The following BMP7 variants were observed in gnomAD, a reference collection of about 807,000 sequenced individuals.
BMP7 encodes the protein osteogenic protein 1.
BMP7 carries 12 observed loss-of-function variants against 41.2 expected under a neutral mutation model. The observed-to-expected ratio is 0.29, with a 90% CI of 0.19 to 0.47. The LOEUF (loss-of-function observed/expected upper bound fraction) is 0.47, where lower values mean the gene tolerates loss of function less well. Ranked by LOEUF, BMP7 falls within the 20% of genes least tolerant of loss-of-function variation. The pLI is 0.99. For missense variants in BMP7, 467 were observed against 606.0 expected (o/e 0.77, Z 2.41); for synonymous variants, 248 against 250.0 (o/e 0.99, Z 0.07).
Position 57,213,219 on chromosome 20 carries a change from A to T in BMP7, c.612-10596T>A, listed in dbSNP as rs1984935595. On this transcript the variant is annotated intron_variant, in intron 2 of 6. Transcript: ENST00000395863. The surrounding 1 kb of genome is among the most constrained non-coding windows in gnomAD (Gnocchi z 4.4). ...CCAGCCACTCATGGGAAAGTCAGGAAGATGCCCGTCCAGCACCCGGAGGCC... is the reference window on the plus strand; with the variant it reads ...CCAGCCACTCATGGGAAAGTCAGGATGATGCCCGTCCAGCACCCGGAGGCC... Among the ~76,000 whole-genome samples, 1 of 152,238 alleles carries T rather than the reference A, an allele frequency of 6.6e-6. No individual in the cohort carries two copies. The highest frequency in any genetic ancestry group is 6.5e-5 in the Admixed American group (1 of 15,286).
chr20:57,192,107 TA>T (rs1287526166), intron 3 of BMP7, among the ~76,000 whole-genome samples: 2 of 125,044 alleles, frequency 1.6e-5, no homozygotes, highest in Non-Finnish European at 3.1e-5. Flanking sequence ...TAAATTTATA[TA>T]ATATATACAT....
intron 1 of BMP7, among the ~76,000 whole-genome samples, chr20:57,242,836 C>G (rs996730870): frequency 6.6e-6 from 1 of 151,894 alleles, no homozygotes; most frequent in Non-Finnish European, 1.5e-5. Flanking sequence ...AACATCGTCT[C>G]TACTAAAAAT....
At position 57,202,590 on chromosome 20, in the gene BMP7, G is replaced by T; in HGVS notation, c.645C>A (p.Thr215=). ...GCCAGCCCTCCTCCGAGGCCCAGAG[G>T]GTACGGCTGTCGAGCAGGAAGAGAT... ...ESDLFLLDSR[T]LWASEEGWLV... Residue 215 remains threonine, a synonymous_variant, in exon 3 of 7, where the codon ACC becomes ACA. Coordinates refer to ENST00000395863, the MANE Select transcript of BMP7 (RefSeq NM_001719.3). The T allele has an allele frequency of 6.2e-7, 1 of 1,612,446 alleles. No individual in the cohort carries two copies. The highest frequency in any genetic ancestry group is 1.1e-5 in the South Asian group (1 of 91,076).
chr20:57,221,920 G>A (rs1369747698), intron 2 of BMP7, among the ~76,000 whole-genome samples: 3 of 151,834 alleles, frequency 2.0e-5, no homozygotes, highest in Non-Finnish European at 4.4e-5. Flanking sequence ...ATTAGCTTTT[G>A]TCATCATGAC....
At chr20:57,221,604 AG>A (rs1292296252) in intron 2 of BMP7, among the ~76,000 whole-genome samples, 2 of 152,204 alleles carry the variant, frequency 1.3e-5, no homozygotes, top group East Asian at 3.9e-4. Flanking sequence ...CTTGAGGCCA[AG>A]AGTTTGAGAT....
intron 1 of BMP7, among the ~76,000 whole-genome samples, chr20:57,229,958 C>A (rs751398735): frequency 6.6e-6 from 1 of 152,156 alleles, no homozygotes; most frequent in East Asian, 1.9e-4. Context: ...GGGAATTACC[C>A]GCTCAGGCTG....
In BMP7 at chr20:57,265,950, A is replaced by G; in HGVS notation, c.173T>C (p.Ile58Thr). 6.4e-7 allele frequency: 1 copy of G among 1,552,468 alleles called. No homozygotes were observed. Among genetic ancestry groups the G allele is most frequent in the Non-Finnish European group, 8.7e-7 (1 of 1,147,894 alleles). The change falls in exon 1 of 7, where the codon ATC becomes ACC. Residue 58 changes from isoleucine (I) to threonine (T), a missense_variant. By Grantham distance (89) the Ile-to-Thr change is moderately conservative. This residue lies in a region of BMP7 where 407 missense variants were observed against 485.9 expected (regional missense o/e 0.84). Transcript: ENST00000395863. ...SQERREMQRE[I>T]LSILGLPHRP... ...GTGGGGCAAGCCCAAAATGGAGAGGATCTCGCGCTGCATCTCCCGCCGCTC... is the reference window on the plus strand; with the variant it reads ...GTGGGGCAAGCCCAAAATGGAGAGGGTCTCGCGCTGCATCTCCCGCCGCTC...
chr20:57,249,033 T>A (rs1221580176), intron 1 of BMP7, among the ~76,000 whole-genome samples: 1 of 151,956 alleles, frequency 6.6e-6, no homozygotes, highest in East Asian at 2.0e-4. Flanking sequence ...GATCTCCTGA[T>A]GTCATGATCT....
rs1983810773 is a variant in BMP7 at position 57,171,255 on chromosome 20, C to A, written c.1147-147G>T. On this transcript the variant is annotated intron_variant, in intron 6 of 6. Coordinates refer to ENST00000395863, the MANE Select transcript of BMP7 (RefSeq NM_001719.3). The surrounding 1 kb of genome is among the most constrained non-coding windows in gnomAD (Gnocchi z 4.5). ...CAAGCCAAGCACTCCCTGTTCTAAG[C>A]ACTTTACATGGACAACTCAGTTCTG... 3 of 1,172,256 alleles carry A rather than the reference C, an allele frequency of 2.6e-6. No individual in the cohort carries two copies. The highest frequency in any genetic ancestry group is 3.7e-6 in the Non-Finnish European group (3 of 806,574). The allele number at this position is 1,172,256 out of a possible 1,614,324, so 72.6% of individuals were successfully genotyped here.
intron 1 of BMP7, among the ~76,000 whole-genome samples, chr20:57,254,243 G>A (rs1255679858): frequency 6.6e-6 from 1 of 151,758 alleles, no homozygotes; most frequent in Non-Finnish European, 1.5e-5. Context: ...GGCTGGTCTC[G>A]AACTCCTGAC....
In BMP7 at chr20:57,170,540, G is replaced by A. The variant is rs561270132; in HGVS notation, c.*419C>T. The A allele has an allele frequency of 2.7e-4, 72 of 270,124 alleles. 1 individual carries two copies. Among genetic ancestry groups the A allele is most frequent in the African/African-American group, 1.2e-3 (54 of 45,406 alleles). The allele number at this position is 270,124 out of a possible 1,614,324, so 16.7% of individuals were successfully genotyped here. On this transcript the variant is annotated 3_prime_UTR_variant, in exon 7 of 7. Coordinates refer to ENST00000395863, the MANE Select transcript of BMP7 (RefSeq NM_001719.3). ...TGTGACATTTATTACAGGAACTTCC[G>A]GGTCAATTTTCCTTTCGCACAGACA...
At position 57,168,761 on chromosome 20, in the gene BMP7, C is replaced by T. The variant is rs533175960; in HGVS notation, c.*2198G>A. The stretch of plus-strand genomic sequence containing the variant: ...CAGACACAGGCCAAAGAGCCAGAAC[C>T]AAACGTCTCCTTTTATTGCAAGGTC... On this transcript the variant is annotated 3_prime_UTR_variant, in exon 7 of 7. Transcript: ENST00000395863. 6.6e-6 allele frequency: 1 copy of T among 152,236 alleles called. No homozygotes were observed. Among genetic ancestry groups the T allele is most frequent in the Non-Finnish European group, 1.5e-5 (1 of 68,058 alleles). The allele number at this position is 152,236 out of a possible 1,614,324, so 9.4% of individuals were successfully genotyped here. A position where few individuals can be genotyped will look rare whatever the true frequency, so the allele number is the denominator to read the frequency against.
At chr20:57,220,511 C>T (rs1336108472) in intron 2 of BMP7, among the ~76,000 whole-genome samples, 2 of 152,174 alleles carry the variant, frequency 1.3e-5, no homozygotes, top group Middle Eastern at 6.3e-3. Flanking sequence ...CGAGCAGAGG[C>T]CCAGGGCCAA....
chr20:57,264,516 T>C (rs1055798826), intron 1 of BMP7, among the ~76,000 whole-genome samples: 4 of 151,938 alleles, frequency 2.6e-5, no homozygotes, highest in Non-Finnish European at 4.4e-5. Flanking sequence ...TGCGCGCACA[T>C]ATGGAGGGGG....
intron 1 of BMP7, among the ~76,000 whole-genome samples, chr20:57,258,577 G>GTTTTGCAACTCT (rs2066142636): frequency 6.6e-6 from 1 of 152,152 alleles, no homozygotes; most frequent in African/African-American, 2.4e-5. Flanking sequence ...AGTTGCAAAG[G>GTTTTGCAACTCT]CACTACAGAG....
chr20:57,173,308 G>A lies in BMP7; in HGVS notation c.1038C>T (p.Asp346=). The change falls in exon 6 of 7, where the codon GAC becomes GAT. Residue 346 remains aspartate (D), a splice_region_variant and synonymous_variant. Coordinates refer to ENST00000395863, the MANE Select transcript of BMP7 (RefSeq NM_001719.3). ...CGTAGCCTTCAGGCGCGATGATCCA[G>A]TCCTGAGGAGGAGAAGAGAGTGTGG... is the stretch of plus-strand genomic sequence containing the variant. ...YVSFRDLGWQ[D]WIIAPEGYAA... is the part of the protein sequence containing the mutation. 1 of 1,613,688 alleles carries A rather than the reference G, an allele frequency of 6.2e-7. No individual in the cohort carries two copies. Among genetic ancestry groups the A allele is most frequent in the Non-Finnish European group, 8.5e-7 (1 of 1,179,648 alleles).
rs114951864 is a variant in BMP7, at chr20:57,198,589, G to T, written c.760+3886C>A. Among the ~76,000 whole-genome samples the T allele has an allele frequency of 2.8e-3, 419 of 152,302 alleles. 3 individuals are homozygous for T. The highest frequency in any genetic ancestry group is 9.6e-3 in the African/African-American group (399 of 41,562). Reference sequence around the variant, plus strand: ...GCAGAGCCCCAGCTGCGGCTGCTCCGCATGGTGACTCACAGGAGGGCCCAG... The same window carrying T: ...GCAGAGCCCCAGCTGCGGCTGCTCCTCATGGTGACTCACAGGAGGGCCCAG... On this transcript the variant is annotated intron_variant, in intron 3 of 6. Coordinates refer to ENST00000395863, the MANE Select transcript of BMP7 (RefSeq NM_001719.3).
intron 4 of BMP7, among the ~76,000 whole-genome samples, chr20:57,183,178 T>A (rs897943393): frequency 1.3e-5 from 2 of 151,432 alleles, no homozygotes; most frequent in Non-Finnish European, 2.9e-5. Flanking sequence ...GAAGTTGCAG[T>A]AAGCCGAGAT....
chr20:57,181,352 C>T (rs929887761), intron 4 of BMP7, among the ~76,000 whole-genome samples: 11 of 151,954 alleles, frequency 7.2e-5, no homozygotes, highest in African/African-American at 2.7e-4. Flanking sequence ...AAAAAATAGC[C>T]AGGTGTGGTG....
Sources: allele counts gnomAD v4.1 joint callset (sites outside exome capture counted in the v4.1 genomes callset), GRCh38; gene constraint gnomAD v4.1.1; regional missense constraint gnomAD v4.1.1; non-coding constraint Gnocchi (gnomAD v3.1); transcripts MANE v1.5; gene names NCBI Gene and HGNC (gene_info 2026-07-23, HGNC 2026-07-21).